The following UEVLD variants were observed in gnomAD, a reference collection of about 807,000 sequenced individuals.
The protein encoded by UEVLD is UEV and lactate/malate dehyrogenase domains.
Under a neutral mutation model 58.6 loss-of-function variants are expected in UEVLD, and 47 were observed. The observed-to-expected ratio is 0.80, with a 90% CI of 0.63 to 1.02. The LOEUF (loss-of-function observed/expected upper bound fraction) is 1.02. Ranked by LOEUF, UEVLD falls within the 50% of genes least tolerant of loss-of-function variation. The pLI is 0.00. For missense variants in UEVLD, 510 were observed against 550.6 expected (o/e 0.93, Z 0.74); for synonymous variants, 197 against 195.3 (o/e 1.01, Z -0.07).
rs921539848 is a variant in UEVLD at position 18,530,815 on chromosome 11, T to A, written c.*1505A>T. ...ATCTCTGCTCACTGCAAGCTCCACCTACCGGGTTCACGCCATTCTCTTGCC... is the reference window on the plus strand; with the variant it reads ...ATCTCTGCTCACTGCAAGCTCCACCAACCGGGTTCACGCCATTCTCTTGCC... On this transcript the variant is annotated 3_prime_UTR_variant, in exon 12 of 12. Coordinates refer to ENST00000396197, the MANE Select transcript of UEVLD (RefSeq NM_001040697.4). 3 of 151,180 alleles carry A rather than the reference T, an allele frequency of 2.0e-5. No individual in the cohort carries two copies. Among genetic ancestry groups the A allele is most frequent in the Non-Finnish European group, 4.4e-5 (3 of 68,010 alleles). 9.4% of individuals were successfully genotyped at this position (151,180 alleles called of 1,614,324 possible).
Position 18,546,590 on chromosome 11 carries a change from C to T in UEVLD, c.886+290G>A, listed in dbSNP as rs576831733. ...TTGGCCTCACTGCAACCACCATCTC[C>T]GGGGTTCAAGCAATTCTCCCACCTC... On this transcript the variant is annotated intron_variant, in intron 8 of 11. Coordinates refer to ENST00000396197, the MANE Select transcript of UEVLD (RefSeq NM_001040697.4). Among the ~76,000 whole-genome samples, 4 of 151,914 alleles carry T rather than the reference C, an allele frequency of 2.6e-5. No individual in the cohort carries two copies. In the East Asian group the frequency reaches 7.7e-4, roughly 29 times the overall value.
intron 10 of UEVLD, among the ~76,000 whole-genome samples, chr11:18,536,088 C>T (rs1206350402): frequency 3.3e-5 from 5 of 152,158 alleles, no homozygotes; most frequent in South Asian, 4.1e-4. Context: ...GAGCCGAGAT[C>T]GCGCCACTGC....
At chr11:18,542,579 A>G (rs978823317) in intron 9 of UEVLD, among the ~76,000 whole-genome samples, 1 of 152,156 alleles carries the variant, frequency 6.6e-6, no homozygotes, top group African/African-American at 2.4e-5. Context: ...CAGATTTAAA[A>G]TACTGTTATA....
chr11:18,551,116 G>A (rs1851507140), intron 7 of UEVLD, among the ~76,000 whole-genome samples: 1 of 152,164 alleles, frequency 6.6e-6, no homozygotes, highest in Non-Finnish European at 1.5e-5. Context: ...GATTATTAAA[G>A]CTATAAATTA....
chr11:18,586,779 T>C (rs1182037798), intron 1 of UEVLD, among the ~76,000 whole-genome samples: 2 of 152,164 alleles, frequency 1.3e-5, no homozygotes, highest in Non-Finnish European at 2.9e-5. Context: ...TTGTTTCTGA[T>C]TGGTTTCCTT....
At chr11:18,563,566 G>T in intron 6 of UEVLD, 1 of 654,768 alleles carries the variant, frequency 1.5e-6, no homozygotes, top group Non-Finnish European at 1.9e-6. Context: ...ATTCCAGCCT[G>T]TGCAACAGAA....
At chr11:18,560,138 C>CACACACACACACACACACAGAGAG (rs368897951) in intron 6 of UEVLD, among the ~76,000 whole-genome samples, 3 of 74,814 alleles carry the variant, frequency 4.0e-5, no homozygotes, top group Non-Finnish European at 7.6e-5. Flanking sequence ...CACACACACA[C>CACACACACACACACACACAGAGAG]AGAGAGAGAA....
chr11:18,547,915 A>G (rs1437477462), intron 7 of UEVLD, among the ~76,000 whole-genome samples: 1 of 152,146 alleles, frequency 6.6e-6, no homozygotes, highest in Non-Finnish European at 1.5e-5. Context: ...TCTAAATTAA[A>G]TATCTTGGCT....
In UEVLD at chr11:18,544,800, A is replaced by G; in HGVS notation, c.887-4T>C. On this transcript the variant is annotated splice_region_variant and splice_polypyrimidine_tract_variant and intron_variant, in intron 8 of 11. Transcript: ENST00000396197. ...GTTACATAGGTCATGATTTCCACTAAATATTGCATACAAGGTAAAAAATGT... is the reference window on the plus strand; with the variant it reads ...GTTACATAGGTCATGATTTCCACTAGATATTGCATACAAGGTAAAAAATGT... The G allele has an allele frequency of 6.6e-7, 1 of 1,519,058 alleles. No individual in the cohort carries two copies. The highest frequency in any genetic ancestry group is 8.7e-7 in the Non-Finnish European group (1 of 1,143,026). 94.1% of individuals were successfully genotyped at this position (1,519,058 alleles called of 1,614,324 possible). A position where few individuals can be genotyped will look rare whatever the true frequency, so the allele number is the denominator to read the frequency against.
At chr11:18,578,392 T>C (rs563185272) in intron 2 of UEVLD, among the ~76,000 whole-genome samples, 1 of 152,336 alleles carries the variant, frequency 6.6e-6, no homozygotes, top group South Asian at 2.1e-4. Flanking sequence ...ACAAAGGCAG[T>C]TGACACCTGG....
In UEVLD at chr11:18,588,620, A is replaced by C. The variant is rs770927887; in HGVS notation, c.35T>G (p.Leu12Arg). 6.2e-7 allele frequency: 1 copy of C among 1,610,384 alleles called. No individual in the cohort carries two copies. Among genetic ancestry groups the C allele is most frequent in the Non-Finnish European group, 8.5e-7 (1 of 1,179,846 alleles). The change falls in exon 1 of 12, where the codon CTT becomes CGT. Residue 12 changes from leucine (L) to arginine (R), a missense_variant. By Grantham distance (102) the Leu-to-Arg change is moderately radical. Transcript: ENST00000396197. Reference protein sequence around the residue: ...EFDCEGLRRLLGKYKFRDLTV... With the variant: ...EFDCEGLRRLRGKYKFRDLTV... ...CCAGCGGACTGCCCGCACCTTGCCA[A>C]GCAGCCGTCTCAGGCCCTCGCAGTC...
At chr11:18,534,293 G>T in intron 11 of UEVLD, 37 bp downstream of exon 11, 1 of 1,408,994 alleles carries the variant, frequency 7.1e-7, no homozygotes, top group Non-Finnish European at 9.4e-7. Flanking sequence ...TAATATCTAA[G>T]TTTAAAATAT....
At chr11:18,585,501 C>T (rs1056022489) in intron 1 of UEVLD, among the ~76,000 whole-genome samples, 5 of 152,162 alleles carry the variant, frequency 3.3e-5, no homozygotes, top group African/African-American at 7.2e-5. Context: ...TGTGTGACTA[C>T]GATTCTAAGC....
chr11:18,580,035 C>CTTTTTTTT (rs140542993), intron 1 of UEVLD, among the ~76,000 whole-genome samples: 5 of 85,440 alleles, frequency 5.9e-5, no homozygotes, highest in East Asian at 4.0e-4. Context: ...TCCCAGCTGG[C>CTTTTTTTT]TTTTTTTTTT....
At chr11:18,547,617 A>G (rs72876774) in intron 7 of UEVLD, among the ~76,000 whole-genome samples, 30,810 of 152,134 alleles carry the variant, frequency 0.2, 3,277 homozygotes, top group East Asian at 0.25. Flanking sequence ...ACAAGAACTG[A>G]GTTTTTTATA....
intron 1 of UEVLD, among the ~76,000 whole-genome samples, chr11:18,585,695 T>A (rs1853515169): frequency 6.6e-6 from 1 of 151,922 alleles, no homozygotes; most frequent in South Asian, 2.1e-4. Context: ...TGGGGTGCAG[T>A]GGCGCATTCT....
At chr11:18,542,435 G>A (rs1851094384) in intron 9 of UEVLD, among the ~76,000 whole-genome samples, 6 of 152,094 alleles carry the variant, frequency 3.9e-5, no homozygotes, top group Admixed American at 2.0e-4. Flanking sequence ...CTGTTGATTA[G>A]TGTGTAGTGT....
chr11:18,554,441 G>A (rs1851669009), intron 7 of UEVLD, among the ~76,000 whole-genome samples: 1 of 131,954 alleles, frequency 7.6e-6, no homozygotes, highest in African/African-American at 2.9e-5. Flanking sequence ...TTGTTGCCCA[G>A]GCTGGAGTAC....
chr11:18,566,036 T>C (rs1245998989), intron 5 of UEVLD, among the ~76,000 whole-genome samples: 1 of 151,318 alleles, frequency 6.6e-6, no homozygotes, highest in East Asian at 2.0e-4. Context: ...GTAGCTGGGA[T>C]TACAGGCACC....
Sources: allele counts gnomAD v4.1 joint callset (sites outside exome capture counted in the v4.1 genomes callset), GRCh38; gene constraint gnomAD v4.1.1; transcripts MANE v1.5; gene names NCBI Gene and HGNC (gene_info 2026-07-23, HGNC 2026-07-21).